Variants in DENND1A observed in about 807,000 individuals in gnomAD.
DENND1A encodes the protein DENN domain-containing protein 1A.
DENND1A carries 51 observed loss-of-function variants against 113.7 expected under a neutral mutation model. The ratio of observed to expected loss-of-function variants is 0.45; its 90% confidence interval spans 0.36 to 0.57. The LOEUF (loss-of-function observed/expected upper bound fraction) is 0.57. DENND1A is among the 20% of genes least tolerant of loss of function. The probability of loss-of-function intolerance (pLI) is 0.00; values close to 1 mark genes in which losing one functional copy is unlikely to be tolerated. For missense variants in DENND1A, 1,258 were observed against 1,395.9 expected, an observed-to-expected ratio of 0.90 and a Z score of 1.57; for synonymous variants, 565 against 570.8, an observed-to-expected ratio of 0.99 and a Z score of 0.14.
intron 12 of DENND1A, among the ~76,000 whole-genome samples, chr9:123,561,019 C>G (rs1402060844): frequency 1.3e-5 from 2 of 152,136 alleles, no homozygotes; most frequent in Non-Finnish European, 2.9e-5. Flanking sequence ...TACCCACTCC[C>G]TGCCCCTGCC....
intron 13 of DENND1A, among the ~76,000 whole-genome samples, chr9:123,549,988 C>T (rs1478467473): frequency 6.6e-6 from 1 of 152,200 alleles, no homozygotes; most frequent in Non-Finnish European, 1.5e-5. Context: ...AACAGGGTTA[C>T]TCAATCAGGA....
At chr9:123,901,368 T>C (rs1245687404) in intron 1 of DENND1A, among the ~76,000 whole-genome samples, 2 of 152,180 alleles carry the variant, frequency 1.3e-5, no homozygotes, top group Non-Finnish European at 2.9e-5. Flanking sequence ...TACAGACTAT[T>C]CCCTCTCTCC....
At chr9:123,558,669 C>T (rs2057563818) in intron 12 of DENND1A, among the ~76,000 whole-genome samples, 1 of 152,142 alleles carries the variant, frequency 6.6e-6, no homozygotes, top group South Asian at 2.1e-4. Context: ...ACATAAAAAA[C>T]AATGTAGGAA....
chr9:123,921,531 C>G (rs1192371185), intron 1 of DENND1A, among the ~76,000 whole-genome samples: 1 of 152,226 alleles, frequency 6.6e-6, no homozygotes, highest in Non-Finnish European at 1.5e-5. Flanking sequence ...GCAACACCCT[C>G]AAACCTTTCC....
chr9:123,597,430 T>G (rs1487801201), intron 11 of DENND1A, among the ~76,000 whole-genome samples: 1 of 152,192 alleles, frequency 6.6e-6, no homozygotes, highest in African/African-American at 2.4e-5. Context: ...AGCTATTACT[T>G]TGATTTGTCC....
chr9:123,765,568 C>T (rs553490806), intron 4 of DENND1A, among the ~76,000 whole-genome samples: 2 of 152,146 alleles, frequency 1.3e-5, no homozygotes, highest in South Asian at 2.1e-4. Flanking sequence ...GTATAATTTA[C>T]AGGAAAATGG....
At chr9:123,843,594 C>T (rs1404341250) in intron 2 of DENND1A, 9 of 190,258 alleles carry the variant, frequency 4.7e-5, no homozygotes, top group Non-Finnish European at 8.9e-5. Flanking sequence ...CTCCTATATG[C>T]TTGGAGTGAC....
At position 123,381,872 on chromosome 9, in the gene DENND1A, G is replaced by A; in HGVS notation, c.2773C>T (p.Pro925Ser). The A allele has an allele frequency of 5.9e-6, 7 of 1,190,926 alleles. No individual in the cohort carries two copies. Among genetic ancestry groups the A allele is most frequent in the Non-Finnish European group, 7.5e-6 (7 of 937,982 alleles). 73.8% of individuals were successfully genotyped at this position (1,190,926 alleles called of 1,614,324 possible). A position where few individuals can be genotyped will look rare whatever the true frequency, so the allele number is the denominator to read the frequency against. Residue 925 changes from proline (P) to serine (S), a missense_variant, in exon 24 of 24, where the codon CCG becomes TCG. Around this residue, in one of 2 missense-constraint regions of DENND1A, gnomAD observed 1,159 missense variants for 1,231.7 expected, o/e 0.94. Transcript: ENST00000394215. The surrounding 1 kb of genome is among the most constrained non-coding windows in gnomAD (Gnocchi z 4.7). ...AGCAGGAGGCCGGACGCAAAAGCCG[G>A]CCCCAGGGAAGCTGGAGGGGCCCCG... ...PFGAPPASLG[P>S]AFASGLLLSS...
At chr9:123,774,938 T>C (rs1830252164) in intron 3 of DENND1A, among the ~76,000 whole-genome samples, 1 of 152,194 alleles carries the variant, frequency 6.6e-6, no homozygotes, top group Admixed American at 6.5e-5. Context: ...CTGAAACCAC[T>C]TTATACACCT....
chr9:123,751,888 T>C (rs1019882498), intron 5 of DENND1A: 1 of 152,236 alleles, frequency 6.6e-6, no homozygotes, highest in African/African-American at 2.4e-5. Flanking sequence ...AGATGGGCAC[T>C]GTCTAATCTG....
At chr9:123,877,545 C>T (rs891486844) in intron 2 of DENND1A, among the ~76,000 whole-genome samples, 6 of 151,308 alleles carry the variant, frequency 4.0e-5, no homozygotes, top group African/African-American at 1.2e-4. Context: ...AAAAACAGGC[C>T]GGGCATGGTG....
rs969298239 is a variant in DENND1A, at chr9:123,411,816, C to T, written c.1502G>A (p.Arg501His). The T allele has an allele frequency of 1.3e-4, 128 of 985,768 alleles. No homozygotes were observed. The highest frequency in any genetic ancestry group is 1.4e-4 in the Non-Finnish European group (120 of 830,036). 61.1% of individuals were successfully genotyped at this position (985,768 alleles called of 1,614,324 possible). A position where few individuals can be genotyped will look rare whatever the true frequency, so the allele number is the denominator to read the frequency against. ...TVHFGQLQRL[R>H]PTRPPPKIQR... Reference sequence around the variant, plus strand: ...TATCTTGGGAGGCGGTCGGGTGGGACGCAGTCTCTGCAGCTGCATTAAAGT... The same window carrying T: ...TATCTTGGGAGGCGGTCGGGTGGGATGCAGTCTCTGCAGCTGCATTAAAGT... The change falls in exon 20 of 24, where the codon CGT becomes CAT. Residue 501 changes from arginine to histidine, a missense_variant. Physicochemically the swap from Arg to His is conservative, Grantham distance 29. Around this residue, in one of 2 missense-constraint regions of DENND1A, gnomAD observed 1,159 missense variants for 1,231.7 expected, o/e 0.94. Coordinates refer to ENST00000394215, the MANE Select transcript of DENND1A (RefSeq NM_001352964.2).
At chr9:123,567,851 C>T (rs569316164) in intron 12 of DENND1A, among the ~76,000 whole-genome samples, 1 of 152,134 alleles carries the variant, frequency 6.6e-6, no homozygotes, top group South Asian at 2.1e-4. Flanking sequence ...CAAACTAAAC[C>T]ATAGAGGTGT....
chr9:123,909,185 A>C (rs1196928677), intron 1 of DENND1A, among the ~76,000 whole-genome samples: 1 of 149,936 alleles, frequency 6.7e-6, no homozygotes, highest in Non-Finnish European at 1.5e-5. Context: ...ATATCACACT[A>C]TGGGGCCTGT....
At chr9:123,583,852 A>G (rs1252527995) in intron 11 of DENND1A, among the ~76,000 whole-genome samples, 1 of 152,230 alleles carries the variant, frequency 6.6e-6, no homozygotes, top group Non-Finnish European at 1.5e-5. Context: ...AGCTCTGGCC[A>G]TAAGCCATTA....
intron 19 of DENND1A, among the ~76,000 whole-genome samples, chr9:123,419,261 T>C (rs922349552): frequency 6.6e-6 from 1 of 152,218 alleles, no homozygotes; most frequent in African/African-American, 2.4e-5. Flanking sequence ...ATGACAGAGC[T>C]AGCCTCTGAA....
chr9:123,869,486 A>G (rs759899581), intron 2 of DENND1A, among the ~76,000 whole-genome samples: 1 of 152,218 alleles, frequency 6.6e-6, no homozygotes, highest in Non-Finnish European at 1.5e-5. Context: ...GCTCATAGTG[A>G]TATCTTGAGT....
chr9:123,410,710 C>T (rs1160723833), intron 20 of DENND1A, among the ~76,000 whole-genome samples: 5 of 152,178 alleles, frequency 3.3e-5, no homozygotes, highest in Admixed American at 2.0e-4. Flanking sequence ...CTGCAGGCCC[C>T]GGCCTCTTTG....
At chr9:123,383,490 G>A (rs115670426) in intron 23 of DENND1A, among the ~76,000 whole-genome samples, 165 bp downstream of exon 23, 75 of 152,282 alleles carry the variant, frequency 4.9e-4, no homozygotes, top group African/African-American at 1.7e-3. Flanking sequence ...TGTGGGCCCC[G>A]GCACCCTGGG....
Sources: gnomAD v4.1 joint callset for allele counts (sites outside exome capture counted in the v4.1 genomes callset) on GRCh38, gnomAD v4.1.1 for gene constraint, gnomAD v4.1.1 regional missense constraint, Gnocchi (gnomAD v3.1) non-coding constraint, MANE v1.5 for transcripts, NCBI Gene and HGNC (gene_info 2026-07-23, HGNC 2026-07-21) for gene names.